The following ESRRG variants were observed in gnomAD, a reference collection of about 807,000 sequenced individuals.
ESRRG encodes estrogen related receptor gamma, also known as estrogen-related receptor gamma.
Under a neutral mutation model 44.0 loss-of-function variants are expected in ESRRG, and 13 were observed. The observed-to-expected ratio is 0.30, with a 90% confidence interval of 0.19 to 0.47. The LOEUF is 0.47. ESRRG is among the 20% of genes least tolerant of loss of function. The pLI is 1.00. For synonymous variants in ESRRG, 215 were observed against 214.6 expected, an observed-to-expected ratio of 1.00 and a Z score of -0.02; for missense variants, 395 against 580.6, an observed-to-expected ratio of 0.68 and a Z score of 3.29.
At chr1:216,877,118 C>T (rs545279546) in intron 2 of ESRRG, among the ~76,000 whole-genome samples, 5 of 151,962 alleles carry the variant, frequency 3.3e-5, no homozygotes, top group African/African-American at 7.3e-5. Flanking sequence ...CATGTTAATA[C>T]TCTGTTCAGA....
chr1:216,536,096 C>T (rs1459926962), intron 5 of ESRRG, among the ~76,000 whole-genome samples: 1 of 152,106 alleles, frequency 6.6e-6, no homozygotes, highest in Non-Finnish European at 1.5e-5. Flanking sequence ...ACATCTTTCT[C>T]CTGGTCTTTC....
intron 2 of ESRRG, among the ~76,000 whole-genome samples, chr1:216,730,099 C>A (rs34000440): frequency 0.22 from 33,249 of 151,834 alleles, 3,806 homozygotes; most frequent in South Asian, 0.31. Flanking sequence ...GATTACATTT[C>A]TCCCCTTTCC....
chr1:216,720,341 T>C (rs2085949573), intron 1 of ESRRG, among the ~76,000 whole-genome samples: 1 of 151,962 alleles, frequency 6.6e-6, no homozygotes, highest in Admixed American at 6.6e-5. Context: ...CAACACCACA[T>C]ACCTTTAAGG....
intron 1 of ESRRG, among the ~76,000 whole-genome samples, chr1:216,704,066 A>G (rs2081982068): frequency 6.6e-6 from 1 of 152,180 alleles, no homozygotes; most frequent in Admixed American, 6.5e-5. Context: ...TGAGTTAGCA[A>G]TGTGATTCAT....
At chr1:217,002,658 A>G (rs2077198757) in intron 1 of ESRRG, among the ~76,000 whole-genome samples, 1 of 152,150 alleles carries the variant, frequency 6.6e-6, no homozygotes, top group Admixed American at 6.6e-5. Context: ...AGGCTAGGTC[A>G]TAAAAGGCAT....
intron 1 of ESRRG, among the ~76,000 whole-genome samples, chr1:217,053,133 T>TAAAAAAAAAAAAAAAA (rs71303007): frequency 2.0e-4 from 24 of 119,026 alleles, no homozygotes; most frequent in African/African-American, 3.4e-4. Flanking sequence ...AATCCCATCT[T>TAAAAAAAAAAAAAAAA]AAAAAAAAAA....
intron 1 of ESRRG, among the ~76,000 whole-genome samples, chr1:217,059,656 A>G (rs1486607790): frequency 3.3e-5 from 5 of 152,050 alleles, no homozygotes; most frequent in Admixed American, 1.3e-4. Flanking sequence ...AGTCTTTCCA[A>G]CCACCACCTA....
chr1:216,828,486 T>A (rs952139872), intron 2 of ESRRG, among the ~76,000 whole-genome samples: 1 of 152,132 alleles, frequency 6.6e-6, no homozygotes, highest in Non-Finnish European at 1.5e-5. Flanking sequence ...GGGCTCTTAT[T>A]AAAAGCACAT....
chr1:216,561,944 G>C (rs1211956021), intron 5 of ESRRG, among the ~76,000 whole-genome samples: 2 of 152,042 alleles, frequency 1.3e-5, no homozygotes, highest in African/African-American at 4.8e-5. Flanking sequence ...TCCACCACTG[G>C]AAATGGTGTT....
chr1:216,602,320 G>A (rs1238286203), intron 3 of ESRRG, among the ~76,000 whole-genome samples: 1 of 152,170 alleles, frequency 6.6e-6, no homozygotes, highest in African/African-American at 2.4e-5. Flanking sequence ...CTTTGTGACT[G>A]TTCTAGGTAC....
chr1:216,868,085 T>A (rs972029644), intron 2 of ESRRG, among the ~76,000 whole-genome samples: 1 of 139,342 alleles, frequency 7.2e-6, no homozygotes, highest in African/African-American at 2.7e-5. Context: ...GATCCTTTTT[T>A]TTTTTTTTTT....
chr1:216,680,123 C>T (rs1251219693), intron 1 of ESRRG, among the ~76,000 whole-genome samples: 1 of 152,202 alleles, frequency 6.6e-6, no homozygotes, highest in Non-Finnish European at 1.5e-5. Context: ...GTGTTTTTGG[C>T]CTGCCACGAA....
At chr1:216,839,391 G>T (rs1216083099) in intron 2 of ESRRG, among the ~76,000 whole-genome samples, 1 of 152,088 alleles carries the variant, frequency 6.6e-6, no homozygotes, top group African/African-American at 2.4e-5. Context: ...ATTAATGAGG[G>T]TTGGAATCAA....
At chr1:216,795,032 G>C in intron 2 of ESRRG, among the ~76,000 whole-genome samples, 1 of 152,208 alleles carries the variant, frequency 6.6e-6, no homozygotes, top group Admixed American at 6.5e-5. Context: ...AATATTAAAA[G>C]AGAAAAGCAC....
chr1:216,962,427 A>T (rs2069291131), intron 1 of ESRRG, among the ~76,000 whole-genome samples: 1 of 152,194 alleles, frequency 6.6e-6, no homozygotes, highest in Non-Finnish European at 1.5e-5. Context: ...TGAATGTTTA[A>T]AAACGTGTTC....
intron 2 of ESRRG, among the ~76,000 whole-genome samples, chr1:216,885,983 T>A (rs12564386): frequency 0.38 from 57,100 of 150,234 alleles, 12,578 homozygotes; most frequent in South Asian, 0.51. Context: ...CCCTTTTTTT[T>A]AAAAAAAAAA....
intron 2 of ESRRG, among the ~76,000 whole-genome samples, chr1:216,827,858 A>G (rs1490808348): frequency 1.3e-5 from 2 of 152,182 alleles, no homozygotes; most frequent in African/African-American, 4.8e-5. Context: ...ATTTCCAAAT[A>G]GAATCTGAAT....
intron 2 of ESRRG, among the ~76,000 whole-genome samples, chr1:216,794,485 G>A (rs994341693): frequency 4.6e-5 from 7 of 152,080 alleles, no homozygotes; most frequent in African/African-American, 7.2e-5. Context: ...AGTTCCTATC[G>A]GGAAAACACA....
At chr1:216,579,976 C>T (rs2062425853) in intron 3 of ESRRG, among the ~76,000 whole-genome samples, 1 of 152,148 alleles carries the variant, frequency 6.6e-6, no homozygotes, top group African/African-American at 2.4e-5. Context: ...TCATTTGTTA[C>T]ATATATTCAG....
Sources: gnomAD v4.1 joint callset for allele counts (sites outside exome capture counted in the v4.1 genomes callset) on GRCh38, gnomAD v4.1.1 for gene constraint, MANE v1.5 for transcripts, NCBI Gene and HGNC (gene_info 2026-07-23, HGNC 2026-07-21) for gene names.